Variants in CD1B observed in about 807,000 individuals in gnomAD.
The protein encoded by CD1B is T-cell surface glycoprotein CD1b.
A neutral mutation model predicts 39.8 loss-of-function variants in CD1B; 43 were observed. That is an observed-to-expected ratio of 1.08 (90% confidence interval 0.85 to 1.39). The LOEUF (loss-of-function observed/expected upper bound fraction) is 1.39, where lower values mean the gene tolerates loss of function less well. Ranked by LOEUF, CD1B falls within the 40% of genes most tolerant of loss-of-function variation. The probability of loss-of-function intolerance (pLI) is 0.00; values close to 1 mark genes in which losing one functional copy is unlikely to be tolerated. For synonymous variants in CD1B, 192 were observed against 152.5 expected (o/e 1.26, Z -1.91); for missense variants, 495 against 403.8 (o/e 1.23, Z -1.94).
the CD1B span, among the ~76,000 whole-genome samples, chr1:158,296,654 T>C: frequency 3.2e-4 from 48 of 152,144 alleles, no homozygotes; most frequent in African/African-American, 1.1e-3. Context: ...ATGAAAATCA[T>C]GAGATTCAGG....
At chr1:158,308,739 C>T in the CD1B span, among the ~76,000 whole-genome samples, 1 of 152,146 alleles carries the variant, frequency 6.6e-6, no homozygotes, top group African/African-American at 2.4e-5. Flanking sequence ...GAAAGGATTC[C>T]CTATTTAATA....
chr1:158,313,920 AT>A, the CD1B span, among the ~76,000 whole-genome samples: 1 of 151,844 alleles, frequency 6.6e-6, no homozygotes, highest in African/African-American at 2.4e-5. Context: ...GCATTTACCT[AT>A]TTCTTCTAAG....
At chr1:158,331,097 AAG>A in intron 1 of CD1B, 35 bp from the exon 2 acceptor site, 1 of 1,563,156 alleles carries the variant, frequency 6.4e-7, no homozygotes, top group Non-Finnish European at 8.6e-7. Context: ...GGTGAAGATA[AAG>A]AGAGAAGCAG....
chr1:158,295,018 C>T, the CD1B span, among the ~76,000 whole-genome samples: 2 of 152,132 alleles, frequency 1.3e-5, no homozygotes, highest in African/African-American at 4.8e-5. Flanking sequence ...GACTCTCCTG[C>T]ACCCTTAGTC....
downstream of CD1B, among the ~76,000 whole-genome samples, chr1:158,323,764 G>T (rs949783223): frequency 6.6e-6 from 1 of 152,060 alleles, no homozygotes; most frequent in Non-Finnish European, 1.5e-5. Context: ...TTGGCATGGA[G>T]CCCTTATGTA....
chr1:158,302,361 T>C, the CD1B span, among the ~76,000 whole-genome samples: 1 of 151,800 alleles, frequency 6.6e-6, no homozygotes, highest in African/African-American at 2.4e-5. Flanking sequence ...ATTAGTAACA[T>C]AATCTCACAT....
downstream of CD1B, among the ~76,000 whole-genome samples, chr1:158,323,991 T>C (rs1406297919): frequency 6.6e-6 from 1 of 152,180 alleles, no homozygotes; most frequent in Non-Finnish European, 1.5e-5. Context: ...AGGGTAAGTC[T>C]TTCTCTAGGT....
At chr1:158,318,793 A>G in the CD1B span, among the ~76,000 whole-genome samples, 1 of 152,136 alleles carries the variant, frequency 6.6e-6, no homozygotes, top group East Asian at 1.9e-4. Context: ...ATTTTGCAGC[A>G]GCTTGTACCG....
chr1:158,290,373 G>A, the CD1B span, among the ~76,000 whole-genome samples: 5 of 151,994 alleles, frequency 3.3e-5, no homozygotes, highest in Admixed American at 1.3e-4. Context: ...TCCATTTTCC[G>A]TTAAAACAAT....
At chr1:158,301,193 T>G in the CD1B span, among the ~76,000 whole-genome samples, 1 of 152,112 alleles carries the variant, frequency 6.6e-6, no homozygotes, top group Non-Finnish European at 1.5e-5. Flanking sequence ...TCTCTGCACT[T>G]GAGATGGGTC....
chr1:158,313,619 C>CT, the CD1B span, among the ~76,000 whole-genome samples: 1 of 152,022 alleles, frequency 6.6e-6, no homozygotes, highest in Non-Finnish European at 1.5e-5. Context: ...CTGTAATTTT[C>CT]TTTTTTGTTT....
chr1:158,324,809 C>A (rs767325425), downstream of CD1B, among the ~76,000 whole-genome samples: 1 of 152,142 alleles, frequency 6.6e-6, no homozygotes, highest in African/African-American at 2.4e-5. Flanking sequence ...CCTTGAGCAA[C>A]TTTGCCACAT....
chr1:158,308,435 T>A, the CD1B span, among the ~76,000 whole-genome samples: 9 of 152,038 alleles, frequency 5.9e-5, no homozygotes, highest in African/African-American at 1.9e-4. Flanking sequence ...CAATGCCATC[T>A]CCATCAAGTT....
Position 158,328,177 on chromosome 1 carries a change from G to A in CD1B, c.*59C>T. The A allele has an allele frequency of 7.7e-7, 1 of 1,301,522 alleles. No individual in the cohort carries two copies. Among genetic ancestry groups the A allele is most frequent in the South Asian group, 1.3e-5 (1 of 79,420 alleles). 80.6% of individuals were successfully genotyped at this position (1,301,522 alleles called of 1,614,324 possible). On this transcript the variant is annotated 3_prime_UTR_variant, in exon 6 of 6. Transcript: ENST00000368168. The stretch of plus-strand genomic sequence containing the variant: ...GAAATATGATAAGATTGACTTTTGG[G>A]CTGATATCTTGGGCTTCTTGGTACT...
the CD1B span, among the ~76,000 whole-genome samples, chr1:158,307,765 C>T: frequency 6.6e-6 from 1 of 152,260 alleles, no homozygotes; most frequent in African/African-American, 2.4e-5. Flanking sequence ...CTTGAAAAGT[C>T]CTTTGACAAA....
At chr1:158,319,628 G>T in the CD1B span, among the ~76,000 whole-genome samples, 1 of 152,182 alleles carries the variant, frequency 6.6e-6, no homozygotes, top group East Asian at 1.9e-4. Flanking sequence ...GTAGCTCAGA[G>T]TAATTTGATC....
At chr1:158,320,579 AC>A in the CD1B span, among the ~76,000 whole-genome samples, 1 of 152,034 alleles carries the variant, frequency 6.6e-6, no homozygotes, top group East Asian at 1.9e-4. Flanking sequence ...AGTGAGACGA[AC>A]CCGGTACCTC....
chr1:158,297,769 CA>C, the CD1B span, among the ~76,000 whole-genome samples: 2 of 151,692 alleles, frequency 1.3e-5, no homozygotes, highest in South Asian at 2.1e-4. Context: ...CCCATTTCTA[CA>C]AAAAAACCAA....
chr1:158,306,396 T>C, the CD1B span, among the ~76,000 whole-genome samples: 20 of 152,290 alleles, frequency 1.3e-4, no homozygotes, highest in Middle Eastern at 3.4e-3. Flanking sequence ...TAAATATTTA[T>C]CCACCCAATA....
Sources: allele counts gnomAD v4.1 joint callset (sites outside exome capture counted in the v4.1 genomes callset), GRCh38; gene constraint gnomAD v4.1.1; transcripts MANE v1.5; gene names NCBI Gene and HGNC (gene_info 2026-07-23, HGNC 2026-07-21).